Variants in DHX8 observed in about 807,000 individuals in gnomAD.
The protein encoded by DHX8 is ATP-dependent RNA helicase DHX8.
DHX8 carries 67 observed loss-of-function variants against 140.7 expected under a neutral mutation model. That is an observed-to-expected ratio of 0.48 (90% CI 0.39 to 0.58). DHX8 has a LOEUF of 0.58. Ranked by LOEUF, DHX8 falls within the 20% of genes least tolerant of loss-of-function variation. The pLI, the probability that DHX8 is intolerant of heterozygous loss-of-function variation, is 0.00. For missense variants in DHX8, 887 were observed against 1,550.7 expected (o/e 0.57, Z 7.19); for synonymous variants, 533 against 553.2 (o/e 0.96, Z 0.51).
chr17:43,532,739 C>A, intron 2 of DHX8: 1 of 1,614,076 alleles, frequency 6.2e-7, no homozygotes, highest in South Asian at 1.1e-5. Context: ...GTACCTGTGC[C>A]CATTGACCCC....
At chr17:43,485,814 T>C (rs1352742845) in intron 1 of DHX8, among the ~76,000 whole-genome samples, 1 of 152,246 alleles carries the variant, frequency 6.6e-6, no homozygotes, top group Non-Finnish European at 1.5e-5. Flanking sequence ...TTTAGTTTAT[T>C]TATAGCTAAA....
intron 2 of DHX8, among the ~76,000 whole-genome samples, chr17:43,533,573 C>A (rs1452617356): frequency 6.6e-6 from 1 of 151,938 alleles, no homozygotes; most frequent in African/African-American, 2.4e-5. Context: ...CCCTGGGATT[C>A]ATACAGGGGG....
In DHX8 at chr17:43,493,882, A is replaced by T; in HGVS notation, c.1208A>T (p.Lys403Ile). ...TCTGACCCAGAGAAGTGGGAGATCA[A>T]ACAGGTTGGGGCCTTTAGTTTTCAT... ...RISDPEKWEI[K>I]QMIAANVLSK... Residue 403 changes from lysine to isoleucine, a missense_variant, in exon 8 of 23, where the codon AAA (lysine) becomes ATA (isoleucine). Transcript: ENST00000262415. 1 of 1,614,196 alleles carries T rather than the reference A, an allele frequency of 6.2e-7. No individual in the cohort carries two copies. The highest frequency in any genetic ancestry group is 1.1e-5 in the South Asian group (1 of 91,076).
At chr17:43,529,915 A>T (rs1179245684), downstream of DHX8, 1 of 1,614,144 alleles carries the variant, frequency 6.2e-7, no homozygotes, top group East Asian at 2.2e-5. Flanking sequence ...CGCAGACATC[A>T]TCTGGGAATG....
intron 16 of DHX8, 29 bp from the exon 17 acceptor site, chr17:43,513,333 C>G (rs1969945578): frequency 1.2e-6 from 2 of 1,608,524 alleles, no homozygotes; most frequent in Non-Finnish European, 1.7e-6. Flanking sequence ...CTGGGCACCT[C>G]ACTCCAGCTT....
At chr17:43,517,380 T>A in intron 18 of DHX8, 58 bp downstream of exon 18, 1 of 1,549,918 alleles carries the variant, frequency 6.5e-7, no homozygotes, top group South Asian at 1.2e-5. Flanking sequence ...CTGGCCTTCA[T>A]AAATGAATTT....
chr17:43,532,263 G>T (rs1970981370), intron 2 of DHX8, among the ~76,000 whole-genome samples: 1 of 152,188 alleles, frequency 6.6e-6, no homozygotes, highest in Non-Finnish European at 1.5e-5. Flanking sequence ...ACTTTGGGAG[G>T]CCGAGGCGAT....
At chr17:43,486,222 T>C (rs1268912970) in intron 1 of DHX8, among the ~76,000 whole-genome samples, 1 of 151,800 alleles carries the variant, frequency 6.6e-6, no homozygotes, top group Non-Finnish European at 1.5e-5. Context: ...CTAATATTGG[T>C]TTAATGCAAT....
intron 3 of DHX8, among the ~76,000 whole-genome samples, chr17:43,538,092 G>GATC (rs1310663435): frequency 1.4e-5 from 2 of 145,880 alleles, no homozygotes; most frequent in African/African-American, 5.1e-5. Context: ...AGTGAGCCAA[G>GATC]ATCAGGCCAC....
intron 12 of DHX8, among the ~76,000 whole-genome samples, chr17:43,506,319 A>G (rs1028805005): frequency 1.3e-5 from 2 of 150,478 alleles, no homozygotes; most frequent in Non-Finnish European, 3.0e-5. Context: ...TTAAACAAAC[A>G]AACAAAAAAA....
Position 43,520,126 on chromosome 17 carries a change from C to A in DHX8, c.2800-4C>A, listed in dbSNP as rs199626884. 2.9e-3 allele frequency: 4,630 copies of A among 1,614,118 alleles called. 14 individuals carry two copies. The highest frequency in any genetic ancestry group is 0.012 in the Middle Eastern group (75 of 6,062). The stretch of plus-strand genomic sequence containing the variant: ...ATCACATGCCTTCTTCCTTTCTGTT[C>A]TAGGCCATGGGTATCAATGATCTGC... On this transcript the variant is annotated splice_polypyrimidine_tract_variant and splice_region_variant and intron_variant, in intron 18 of 22. Coordinates refer to ENST00000262415, the MANE Select transcript of DHX8 (RefSeq NM_004941.3).
downstream of DHX8, among the ~76,000 whole-genome samples, chr17:43,530,795 C>T (rs1970886160): frequency 6.6e-6 from 1 of 152,120 alleles, no homozygotes; most frequent in South Asian, 2.1e-4. Context: ...TGTGTGAAGC[C>T]ACCCGTTCAA....
chr17:43,530,487 G>A (rs886703075), downstream of DHX8: 3 of 1,272,724 alleles, frequency 2.4e-6, no homozygotes, highest in Admixed American at 3.6e-5. Context: ...GCGAGTTCAG[G>A]GGGAGGAGGG....
chr17:43,491,280 A>G (rs755840403), intron 4 of DHX8, 30 bp downstream of exon 4: 1 of 1,193,908 alleles, frequency 8.4e-7, no homozygotes, highest in Non-Finnish European at 1.2e-6. Flanking sequence ...AGTGTCTACT[A>G]TAAATATATA....
Position 43,520,885 on chromosome 17 carries a change from A to G in DHX8, c.3066+6A>G, listed in dbSNP as rs1216017568. On this transcript the variant is annotated splice_donor_region_variant and intron_variant, in intron 20 of 22. Coordinates refer to ENST00000262415, the MANE Select transcript of DHX8 (RefSeq NM_004941.3). ...ACGTCTTCTATAGGCCCAAGGTAGG[A>G]AGTTCAGATCCAAGTTTAGATGGGG... 1 of 1,603,726 alleles carries G rather than the reference A, an allele frequency of 6.2e-7. No individual in the cohort carries two copies. Among genetic ancestry groups the G allele is most frequent in the South Asian group, 1.1e-5 (1 of 88,908 alleles).
chr17:43,513,618 G>T, intron 17 of DHX8, 116 bp downstream of exon 17: 2 of 1,028,922 alleles, frequency 1.9e-6, no homozygotes, highest in South Asian at 2.1e-5. Context: ...ATGATACTGG[G>T]TACTATAATG....
In DHX8 at chr17:43,523,907, G is replaced by A. The variant is rs1261393535; in HGVS notation, c.*60G>A. 6.2e-7 allele frequency: 1 copy of A among 1,601,420 alleles called. No homozygotes were observed. The highest frequency in any genetic ancestry group is 8.5e-7 in the Non-Finnish European group (1 of 1,173,298). On this transcript the variant is annotated 3_prime_UTR_variant, in exon 23 of 23. Coordinates refer to ENST00000262415, the MANE Select transcript of DHX8 (RefSeq NM_004941.3). ...GTAGCCAGGGCTTGGACTTATCGAT[G>A]ACAGGCTGGTCCTGAGGATACAGCT...
Position 43,525,164 on chromosome 17 carries a change from G to A in DHX8, c.*1317G>A, listed in dbSNP as rs575134237. On this transcript the variant is annotated 3_prime_UTR_variant, in exon 23 of 23. Coordinates refer to ENST00000262415, the MANE Select transcript of DHX8 (RefSeq NM_004941.3). ...GGCCAGGTTTCGGAACTTACGGAAA[G>A]CTGGTCTGGATGTAGTGCTTGTAGA... The A allele has an allele frequency of 1.0e-6, 1 of 985,458 alleles. No individual in the cohort carries two copies. The highest frequency in any genetic ancestry group is 1.7e-5 in the African/African-American group (1 of 57,350). The allele number at this position is 985,458 out of a possible 1,614,324, so 61.0% of individuals were successfully genotyped here. A position where few individuals can be genotyped will look rare whatever the true frequency, so the allele number is the denominator to read the frequency against.
intron 20 of DHX8, 87 bp from the exon 21 acceptor site, chr17:43,521,282 A>G: frequency 9.0e-7 from 1 of 1,113,290 alleles, no homozygotes; most frequent in Non-Finnish European, 1.3e-6. Flanking sequence ...CACTTTTGAT[A>G]GGGTCTTGTA....
Sources: gnomAD v4.1 joint callset for allele counts (sites outside exome capture counted in the v4.1 genomes callset) on GRCh38, gnomAD v4.1.1 for gene constraint, MANE v1.5 for transcripts, NCBI Gene and HGNC (gene_info 2026-07-23, HGNC 2026-07-21) for gene names.